NDRG3: variants seen among roughly 807,000 people sequenced by gnomAD.
The protein encoded by NDRG3 is protein NDRG3.
NDRG3 carries 23 observed loss-of-function variants against 57.2 expected under a neutral mutation model. That is an observed-to-expected ratio of 0.40 (90% CI 0.29 to 0.57). The LOEUF is 0.57. Among genes scored for constraint, NDRG3 ranks in the 20% least tolerant of loss-of-function variants. The pLI, the probability that NDRG3 is intolerant of heterozygous loss-of-function variation, is 0.42. For missense variants in NDRG3, 384 were observed against 457.3 expected (o/e 0.84, Z 1.46); for synonymous variants, 132 against 162.6 (o/e 0.81, Z 1.43).
chr20:36,673,143 T>C (rs1468519064), intron 8 of NDRG3, among the ~76,000 whole-genome samples: 1 of 152,218 alleles, frequency 6.6e-6, no homozygotes, highest in Middle Eastern at 3.4e-3. Context: ...GGATTACCAA[T>C]GTGAAACACT....
chr20:36,743,397 G>A (rs565985230), intron 1 of NDRG3, among the ~76,000 whole-genome samples: 123 of 152,316 alleles, frequency 8.1e-4, no homozygotes, highest in Middle Eastern at 3.4e-3. Context: ...GGGTGGCTGA[G>A]GCAGGAAAAT....
chr20:36,667,227 T>G (rs1979709963), intron 9 of NDRG3, among the ~76,000 whole-genome samples: 1 of 152,236 alleles, frequency 6.6e-6, no homozygotes, highest in African/African-American at 2.4e-5. Flanking sequence ...ATTGCGTTTA[T>G]GACACTTTAT....
intron 1 of NDRG3, among the ~76,000 whole-genome samples, chr20:36,729,733 G>A (rs1985161802): frequency 6.6e-6 from 1 of 151,982 alleles, no homozygotes; most frequent in Non-Finnish European, 1.5e-5. Context: ...GCACTTTGTT[G>A]CCCAGGCTGG....
chr20:36,705,078 G>T (rs905935655), intron 3 of NDRG3, among the ~76,000 whole-genome samples: 2 of 152,046 alleles, frequency 1.3e-5, no homozygotes, highest in Non-Finnish European at 2.9e-5. Context: ...CCAGCACTTT[G>T]GGAGGCTGAG....
At chr20:36,738,626 A>C (rs148316982) in intron 1 of NDRG3, among the ~76,000 whole-genome samples, 2,567 of 139,696 alleles carry the variant, frequency 0.018, 45 homozygotes, top group Non-Finnish European at 0.022. Context: ...AGTTTGAGAC[A>C]AGCCTGGCCA....
chr20:36,694,974 C>T (rs1982650837), intron 3 of NDRG3, among the ~76,000 whole-genome samples: 1 of 152,196 alleles, frequency 6.6e-6, no homozygotes, highest in Non-Finnish European at 1.5e-5. Flanking sequence ...CCCAGTGTTG[C>T]AGGAAGTCAG....
intron 2 of NDRG3, among the ~76,000 whole-genome samples, chr20:36,717,921 C>T (rs1223931057): frequency 6.6e-6 from 1 of 152,208 alleles, no homozygotes. Context: ...TTCTACAATG[C>T]ACAGAGCAGT....
In NDRG3 at chr20:36,737,050, AGGTGGTAAATGAGAG is replaced by A. The variant is rs1353353328; in HGVS notation, c.-49+8980_-49+8994del. Reference sequence around the variant, plus strand: ...TGTGTCACTCCTGGGTTCTGGCAGCAGGTGGTAAATGAGAGGTTTGTAGAGACTGCCAAGCTGGAA... The same window carrying A: ...TGTGTCACTCCTGGGTTCTGGCAGCAGTTTGTAGAGACTGCCAAGCTGGAA... On this transcript the variant is annotated intron_variant, in intron 1 of 15. Transcript: ENST00000349004. 3.3e-5 allele frequency among the ~76,000 whole-genome samples: 5 copies of A among 152,184 alleles called. 1 individual carries two copies. Among genetic ancestry groups the A allele is most frequent in the South Asian group, 4.1e-4 (2 of 4,826 alleles).
intron 3 of NDRG3, among the ~76,000 whole-genome samples, chr20:36,695,772 C>G (rs1982730429): frequency 6.6e-6 from 1 of 152,152 alleles, no homozygotes; most frequent in Admixed American, 6.5e-5. Flanking sequence ...GGCCTTGTGA[C>G]CTTGCCCTAC....
intron 1 of NDRG3, among the ~76,000 whole-genome samples, chr20:36,744,026 G>A (rs915582874): frequency 9.0e-5 from 13 of 144,148 alleles, no homozygotes; most frequent in African/African-American, 2.8e-4. Flanking sequence ...TCAGCCTCCC[G>A]AGTAGCTGGG....
intron 2 of NDRG3, among the ~76,000 whole-genome samples, chr20:36,720,686 T>C (rs372585185): frequency 8.5e-5 from 13 of 152,256 alleles, no homozygotes; most frequent in African/African-American, 3.1e-4. Flanking sequence ...TCACCAGCCA[T>C]GGATGGTAAA....
At chr20:36,693,294 T>C (rs1457459240) in intron 3 of NDRG3, among the ~76,000 whole-genome samples, 1 of 148,968 alleles carries the variant, frequency 6.7e-6, no homozygotes, top group East Asian at 2.0e-4. Context: ...CAAAAGGACA[T>C]GTGCAGAGAT....
chr20:36,707,395 C>G (rs1983607808), intron 2 of NDRG3, among the ~76,000 whole-genome samples: 1 of 151,796 alleles, frequency 6.6e-6, no homozygotes. Context: ...GAGTTGGAGA[C>G]CAAAGCTGAG....
Position 36,653,823 on chromosome 20 carries a change from A to G in NDRG3, c.947-122T>C. 1 of 821,606 alleles carries G rather than the reference A, an allele frequency of 1.2e-6. No homozygotes were observed. The highest frequency in any genetic ancestry group is 1.9e-6 in the Non-Finnish European group (1 of 530,830). The allele number at this position is 821,606 out of a possible 1,614,324, so 50.9% of individuals were successfully genotyped here. A position where few individuals can be genotyped will look rare whatever the true frequency, so the allele number is the denominator to read the frequency against. On this transcript the variant is annotated intron_variant, in intron 15 of 15. Coordinates refer to ENST00000349004, the MANE Select transcript of NDRG3 (RefSeq NM_032013.4). The surrounding 1 kb of genome is among the most constrained non-coding windows in gnomAD (Gnocchi z 4.2). ...CTCATTTACCATGACACCCAGGACA[A>G]GATATAGCCATCCCCATTTTGTATC...
intron 2 of NDRG3, among the ~76,000 whole-genome samples, chr20:36,714,718 A>G (rs1984127331): frequency 6.6e-6 from 1 of 151,214 alleles, no homozygotes; most frequent in African/African-American, 2.4e-5. Context: ...GGTTCACGCC[A>G]TTCTCCTGCC....
In NDRG3 at chr20:36,720,773, C is replaced by CT. The variant is rs373924170; in HGVS notation, c.57+905dup. Among the ~76,000 whole-genome samples the CT allele has an allele frequency of 9.1e-3, 1,288 of 140,866 alleles. 12 individuals are homozygous for CT. The highest frequency in any genetic ancestry group is 0.022 in the African/African-American group (840 of 38,710). The allele number at this position is 140,866 out of a possible 152,430, so 92.4% of individuals were successfully genotyped here. On this transcript the variant is annotated intron_variant, in intron 2 of 15. Coordinates refer to ENST00000349004, the MANE Select transcript of NDRG3 (RefSeq NM_032013.4). ...CACCCTCATACTTCTTTTTTCTTTT[C>CT]TTTTTTTTTTTTTTTGAGACAGAGT...
intron 1 of NDRG3, among the ~76,000 whole-genome samples, chr20:36,724,231 A>G (rs1984782313): frequency 6.6e-6 from 1 of 152,174 alleles, no homozygotes; most frequent in Non-Finnish European, 1.5e-5. Context: ...GTCTATTGAG[A>G]ACACTCCTCA....
intron 2 of NDRG3, among the ~76,000 whole-genome samples, chr20:36,720,610 A>G (rs1421524246): frequency 6.6e-6 from 1 of 152,168 alleles, no homozygotes; most frequent in African/African-American, 2.4e-5. Context: ...CCCTGATGTC[A>G]TATTGACAGA....
chr20:36,676,659 C>T (rs754855988), intron 8 of NDRG3, among the ~76,000 whole-genome samples: 2 of 152,210 alleles, frequency 1.3e-5, no homozygotes, highest in Non-Finnish European at 2.9e-5. Flanking sequence ...AACGGGGTTT[C>T]GCCATGTTGG....
Sources: allele counts gnomAD v4.1 joint callset (sites outside exome capture counted in the v4.1 genomes callset), GRCh38; gene constraint gnomAD v4.1.1; non-coding constraint Gnocchi (gnomAD v3.1); transcripts MANE v1.5; gene names NCBI Gene and HGNC (gene_info 2026-07-23, HGNC 2026-07-21).